Variants in CDH18 observed in about 807,000 individuals in gnomAD.
CDH18 encodes the protein cadherin-18.
Under a neutral mutation model 67.9 loss-of-function variants are expected in CDH18, and 31 were observed. The ratio of observed to expected loss-of-function variants is 0.46; its 90% CI spans 0.34 to 0.62. The LOEUF is 0.62. Ranked by LOEUF, CDH18 falls within the 20% of genes least tolerant of loss-of-function variation. CDH18 has a pLI of 0.01. For missense variants in CDH18, 890 were observed against 975.5 expected (o/e 0.91, Z 1.17); for synonymous variants, 362 against 347.2 (o/e 1.04, Z -0.48).
intron 1 of CDH18, among the ~76,000 whole-genome samples, chr5:20,527,045 A>T (rs1203814796): frequency 6.6e-6 from 1 of 152,084 alleles, no homozygotes; most frequent in Non-Finnish European, 1.5e-5. Context: ...AACTAAAATA[A>T]CCAGTTTAGA....
intron 1 of CDH18, among the ~76,000 whole-genome samples, chr5:20,367,518 T>C (rs1285069066): frequency 6.6e-6 from 1 of 152,206 alleles, no homozygotes. Context: ...AAGGTATTAA[T>C]ATTTGCGTTG....
intron 1 of CDH18, among the ~76,000 whole-genome samples, chr5:20,260,720 A>C (rs1175880674): frequency 3.9e-5 from 6 of 152,164 alleles, no homozygotes; most frequent in Non-Finnish European, 8.8e-5. Flanking sequence ...TTACATTATA[A>C]GACTCCACCA....
chr5:19,936,268 C>T (rs1314859068), intron 2 of CDH18, among the ~76,000 whole-genome samples: 4 of 151,104 alleles, frequency 2.6e-5, no homozygotes, highest in Admixed American at 2.0e-4. Flanking sequence ...TTTGTTTTAG[C>T]TTAATTTTTC....
chr5:19,932,397 CA>C (rs1208552208), intron 2 of CDH18, among the ~76,000 whole-genome samples: 2 of 151,728 alleles, frequency 1.3e-5, no homozygotes, highest in African/African-American at 4.8e-5. Context: ...ACAATCCCAT[CA>C]AAAATCTATG....
At chr5:20,172,040 A>T in intron 2 of CDH18, among the ~76,000 whole-genome samples, 1 of 149,358 alleles carries the variant, frequency 6.7e-6, no homozygotes, top group African/African-American at 2.5e-5. Context: ...TAGGTGTGGA[A>T]CCTTATTTCT....
chr5:19,483,185 T>A, intron 12 of CDH18, 116 bp downstream of exon 12: 1 of 911,830 alleles, frequency 1.1e-6, no homozygotes, highest in Non-Finnish European at 1.7e-6. Flanking sequence ...TCATAGGAAA[T>A]TGGAGCAGCT....
intron 3 of CDH18, among the ~76,000 whole-genome samples, chr5:19,798,928 C>A (rs187294384): frequency 1.3e-5 from 2 of 152,042 alleles, no homozygotes; most frequent in African/African-American, 2.4e-5. Flanking sequence ...AATTAAGATA[C>A]CTTTTTAAAG....
intron 3 of CDH18, among the ~76,000 whole-genome samples, chr5:19,791,415 G>A (rs1776347183): frequency 1.4e-5 from 2 of 146,718 alleles, no homozygotes; most frequent in South Asian, 4.3e-4. Context: ...TATTTAGTAG[G>A]GGCAGAAAGA....
intron 2 of CDH18, among the ~76,000 whole-genome samples, chr5:20,119,130 T>A (rs1748152427): frequency 6.6e-6 from 1 of 152,094 alleles, no homozygotes; most frequent in African/African-American, 2.4e-5. Flanking sequence ...GTAGATTTTC[T>A]GGAAAAAAAA....
At chr5:19,955,176 A>C (rs1054249631) in intron 2 of CDH18, among the ~76,000 whole-genome samples, 1 of 152,032 alleles carries the variant, frequency 6.6e-6, no homozygotes, top group Non-Finnish European at 1.5e-5. Flanking sequence ...CATGATTGTA[A>C]GTTTCCTGAG....
At chr5:20,338,027 T>C (rs1348363916) in intron 1 of CDH18, among the ~76,000 whole-genome samples, 3 of 152,172 alleles carry the variant, frequency 2.0e-5, no homozygotes, top group Non-Finnish European at 4.4e-5. Context: ...TCAGATCTTG[T>C]GAGACCCACC....
chr5:20,501,594 T>TA (rs1554010562), intron 1 of CDH18, among the ~76,000 whole-genome samples: 375 of 35,256 alleles, frequency 0.011, 20 homozygotes, highest in African/African-American at 0.038. Flanking sequence ...TATATATATA[T>TA]TATATATATA....
intron 5 of CDH18, among the ~76,000 whole-genome samples, chr5:19,640,499 G>C (rs1188418782): frequency 6.6e-6 from 1 of 151,940 alleles, no homozygotes; most frequent in Non-Finnish European, 1.5e-5. Context: ...GCCACTATAA[G>C]AAATCATCAA....
chr5:19,933,261 G>A (rs796967551), intron 2 of CDH18, among the ~76,000 whole-genome samples: 33 of 151,440 alleles, frequency 2.2e-4, no homozygotes, highest in African/African-American at 7.7e-4. Context: ...ACCTCCTCTA[G>A]TATTATCTGC....
intron 5 of CDH18, among the ~76,000 whole-genome samples, chr5:19,672,984 T>A (rs1005082832): frequency 6.6e-6 from 1 of 152,062 alleles, no homozygotes; most frequent in African/African-American, 2.4e-5. Flanking sequence ...TATTCATTTA[T>A]AATTAAATCA....
intron 10 of CDH18, among the ~76,000 whole-genome samples, chr5:19,507,436 C>T (rs567437478): frequency 6.6e-6 from 1 of 152,134 alleles, no homozygotes; most frequent in Admixed American, 6.6e-5. Flanking sequence ...AATCATGCTG[C>T]TATAAAGACA....
chr5:19,822,491 T>C (rs1400364108), intron 3 of CDH18, among the ~76,000 whole-genome samples: 1 of 152,060 alleles, frequency 6.6e-6, no homozygotes, highest in Non-Finnish European at 1.5e-5. Flanking sequence ...TCAGCCAGTT[T>C]GAGAAATAAA....
chr5:19,777,049 G>A (rs1774471684), intron 3 of CDH18, among the ~76,000 whole-genome samples: 1 of 152,170 alleles, frequency 6.6e-6, no homozygotes, highest in African/African-American at 2.4e-5. Context: ...GGAAGCCGAG[G>A]TGGATGGATC....
chr5:19,699,831 C>T (rs1163739083), intron 5 of CDH18, among the ~76,000 whole-genome samples: 1 of 151,982 alleles, frequency 6.6e-6, no homozygotes, highest in Non-Finnish European at 1.5e-5. Flanking sequence ...TCTATGATAT[C>T]ATTAATAGCA....
Sources: gnomAD v4.1 joint callset for allele counts (sites outside exome capture counted in the v4.1 genomes callset) on GRCh38, gnomAD v4.1.1 for gene constraint, MANE v1.5 for transcripts, NCBI Gene and HGNC (gene_info 2026-07-23, HGNC 2026-07-21) for gene names.